SPATA2L: variants seen among roughly 807,000 people sequenced by gnomAD.
SPATA2L encodes spermatogenesis associated 2 like.
A neutral mutation model predicts 8.7 loss-of-function variants in SPATA2L; 5 were observed. The ratio of observed to expected loss-of-function variants is 0.57; its 90% CI spans 0.30 to 1.21. SPATA2L has a LOEUF of 1.21. Ranked by LOEUF, SPATA2L falls within the 50% of genes most tolerant of loss-of-function variation. SPATA2L has a pLI of 0.07. For synonymous variants in SPATA2L, 358 were observed against 275.8 expected (o/e 1.30, Z -2.95); for missense variants, 671 against 591.0 (o/e 1.14, Z -1.40).
chr16:89,697,349 G>C lies in SPATA2L; in HGVS notation c.1260C>G (p.Pro420=), dbSNP rs185037167. 2,002 of 1,521,268 alleles carry C rather than the reference G, an allele frequency of 1.3e-3. No homozygotes were observed. Among genetic ancestry groups the C allele is most frequent in the Non-Finnish European group, 1.7e-3 (1,905 of 1,133,730 alleles). The allele number at this position is 1,521,268 out of a possible 1,614,324, so 94.2% of individuals were successfully genotyped here. The part of the protein sequence containing the change: ...AQMDTLLYNS[P]GARP The stretch of plus-strand genomic sequence containing the variant: ...CCCAGCTGGCCTAGGGCCGGGCCCC[G>C]GGGCTGTTGTAGAGCAGAGTGTCCA... The change falls in exon 3 of 3, where the codon CCC becomes CCG. Residue 420 remains proline (P), a synonymous_variant. Coordinates refer to ENST00000289805, the MANE Select transcript of SPATA2L (RefSeq NM_152339.4).
chr16:89,698,135 G>T lies in SPATA2L; in HGVS notation c.474C>A (p.Leu158=). The T allele has an allele frequency of 6.2e-7, 1 of 1,610,118 alleles. No individual in the cohort carries two copies. The change falls in exon 3 of 3, where the codon CTC becomes CTA. Residue 158 remains leucine (L), a synonymous_variant. Coordinates refer to ENST00000289805, the MANE Select transcript of SPATA2L (RefSeq NM_152339.4). ...CACCCAGGATCTCACACTCCAGCCG[G>T]AGGGCGAAGCAGCCCAGGGCCACCT... is the stretch of plus-strand genomic sequence containing the variant. ...LVQVALGCFA[L]RLECEILGEV... is the part of the protein sequence containing the mutation.
Position 89,701,018 on chromosome 16 carries a change from C to T in SPATA2L, c.215G>A (p.Arg72His), listed in dbSNP as rs745929098. The T allele has an allele frequency of 1.3e-6, 2 of 1,572,208 alleles. No homozygotes were observed. The highest frequency in any genetic ancestry group is 8.6e-7 in the Non-Finnish European group (1 of 1,161,068). The change falls in exon 2 of 3, where the codon CGC becomes CAC. Residue 72 changes from arginine to histidine, a missense_variant. Coordinates refer to ENST00000289805, the MANE Select transcript of SPATA2L (RefSeq NM_152339.4). ...WGRADLAPAL[R>H]GLARAFELLE... Reference sequence around the variant, plus strand: ...AAGCTCGAAGGCGCGAGCCAGGCCGCGTAGCGCGGGCGCCAGGTCGGCGCG... The same window carrying T: ...AAGCTCGAAGGCGCGAGCCAGGCCGTGTAGCGCGGGCGCCAGGTCGGCGCG...
chr16:89,696,734 C>T lies in SPATA2L; in HGVS notation c.*600G>A. The T allele has an allele frequency of 6.8e-7, 1 of 1,479,550 alleles. No individual in the cohort carries two copies. The highest frequency in any genetic ancestry group is 1.2e-5 in the South Asian group (1 of 80,750). The allele number at this position is 1,479,550 out of a possible 1,614,324, so 91.7% of individuals were successfully genotyped here. On this transcript the variant is annotated 3_prime_UTR_variant, in exon 3 of 3. Transcript: ENST00000289805. ...TTCCTGCGCCTCTCGTGCACCTCCA[C>T]ATCTGGTTTGAGGTCAGGTCATTTC...
chr16:89,698,374 C>T (rs2060752105), intron 2 of SPATA2L, 69 bp from the exon 3 acceptor site: 2 of 1,481,546 alleles, frequency 1.3e-6, no homozygotes. Context: ...TACAGTGGGT[C>T]CGGGATCTGT....
In SPATA2L at chr16:89,697,990, C is replaced by T. The variant is rs1346482342; in HGVS notation, c.619G>A (p.Glu207Lys). The T allele has an allele frequency of 2.5e-6, 4 of 1,601,464 alleles. No individual in the cohort carries two copies. The highest frequency in any genetic ancestry group is 1.7e-4 in the Middle Eastern group (1 of 6,050). The part of the protein sequence containing the change: ...AWLQQRLAQD[E>K]EPPPLPPRGS... ...CGGGGGGGCAGGGGTGGCGGCTCCTCATCCTGGGCCAGCCGCTGCTGCAGC... is the reference window on the plus strand; with the variant it reads ...CGGGGGGGCAGGGGTGGCGGCTCCTTATCCTGGGCCAGCCGCTGCTGCAGC... Residue 207 changes from glutamate to lysine, a missense_variant, in exon 3 of 3, where the codon GAG (glutamate) becomes AAG (lysine). Coordinates refer to ENST00000289805, the MANE Select transcript of SPATA2L (RefSeq NM_152339.4).
In SPATA2L at chr16:89,696,716, G is replaced by A. The variant is rs1265054996; in HGVS notation, c.*618C>T. 1.3e-5 allele frequency: 18 copies of A among 1,405,826 alleles called. No individual in the cohort carries two copies. The highest frequency in any genetic ancestry group is 4.1e-5 in the Admixed American group (2 of 48,680). The allele number at this position is 1,405,826 out of a possible 1,614,324, so 87.1% of individuals were successfully genotyped here. On this transcript the variant is annotated 3_prime_UTR_variant, in exon 3 of 3. Coordinates refer to ENST00000289805, the MANE Select transcript of SPATA2L (RefSeq NM_152339.4). ...GCTGTCAGCCACTGCCCGTTCCTGCGCCTCTCGTGCACCTCCACATCTGGT... is the reference window on the plus strand; with the variant it reads ...GCTGTCAGCCACTGCCCGTTCCTGCACCTCTCGTGCACCTCCACATCTGGT...
In SPATA2L at chr16:89,697,356, T is replaced by C. The variant is rs776000463; in HGVS notation, c.1253A>G (p.Asn418Ser). The C allele has an allele frequency of 1.0e-5, 16 of 1,536,172 alleles. No homozygotes were observed. The highest frequency in any genetic ancestry group is 1.4e-5 in the Non-Finnish European group (16 of 1,139,566). Residue 418 changes from asparagine to serine, a missense_variant, in exon 3 of 3, where the codon AAC becomes AGC. Asn to Ser is a conservative substitution (Grantham distance 46, BLOSUM62 1). Coordinates refer to ENST00000289805, the MANE Select transcript of SPATA2L (RefSeq NM_152339.4). The part of the protein sequence containing the change: ...QRAQMDTLLY[N>S]SPGARP ...GGCCTAGGGCCGGGCCCCGGGGCTGTTGTAGAGCAGAGTGTCCATCTGTGC... is the reference window on the plus strand; with the variant it reads ...GGCCTAGGGCCGGGCCCCGGGGCTGCTGTAGAGCAGAGTGTCCATCTGTGC...
Position 89,697,902 on chromosome 16 carries a change from CCCT to C in SPATA2L, c.704_706del (p.Glu235del), listed in dbSNP as rs2060746174. On this transcript the variant is annotated inframe_deletion, in exon 3 of 3. Transcript: ENST00000289805. The stretch of plus-strand genomic sequence containing the variant: ...CCCATACAGGCTGGCGTCCTCCGAC[CCCT>C]CGTCTTCCTGCAAGTCCCGGTATAA... 6.2e-7 allele frequency: 1 copy of C among 1,611,572 alleles called. No homozygotes were observed. Among genetic ancestry groups the C allele is most frequent in the African/African-American group, 1.3e-5 (1 of 74,918 alleles).
At position 89,697,737 on chromosome 16, in the gene SPATA2L, G is replaced by A. The variant is rs538570964; in HGVS notation, c.872C>T (p.Pro291Leu). ...PAEELPQASS[P>L]PYGALEEGLE... Reference sequence around the variant, plus strand: ...CCCCTCCTCCAAGGCCCCATATGGTGGGCTGCTGGCCTGCGGCAGCTCCTC... The same window carrying A: ...CCCCTCCTCCAAGGCCCCATATGGTAGGCTGCTGGCCTGCGGCAGCTCCTC... The change falls in exon 3 of 3, where the codon CCA (proline) becomes CTA (leucine). Residue 291 changes from proline to leucine, a missense_variant. Coordinates refer to ENST00000289805, the MANE Select transcript of SPATA2L (RefSeq NM_152339.4). The A allele has an allele frequency of 8.4e-5, 135 of 1,608,578 alleles. No homozygotes were observed. The Admixed American group carries it at 2.2e-3, about 26-fold the overall frequency.
At position 89,696,855 on chromosome 16, in the gene SPATA2L, T is replaced by C. The variant is rs462769; in HGVS notation, c.*479A>G. The C allele has an allele frequency of 0.51, 778,733 of 1,534,588 alleles. 209,445 individuals carry two copies. Among genetic ancestry groups the C allele is most frequent in the Middle Eastern group, 0.7 (4,191 of 5,966 alleles). Reference sequence around the variant, plus strand: ...ACCCGGCAGAGCCCCGCAGATTGGCTCCAGCAGAGCTTGGGGTGGGGGGAG... The same window carrying C: ...ACCCGGCAGAGCCCCGCAGATTGGCCCCAGCAGAGCTTGGGGTGGGGGGAG... On this transcript the variant is annotated 3_prime_UTR_variant, in exon 3 of 3. Transcript: ENST00000289805.
Position 89,697,491 on chromosome 16 carries a change from G to A in SPATA2L, c.1118C>T (p.Thr373Ile). ...PGALPTLCCD[T>I]CRQLHAAHCA... ...GTGGGCAGCATGCAGCTGGCGACAG[G>A]TGTCGCAGCAGAGGGTGGGCAGGGC... The change falls in exon 3 of 3, where the codon ACC becomes ATC. Residue 373 changes from threonine (T) to isoleucine (I), a missense_variant. Thr to Ile is a moderately conservative substitution (Grantham distance 89, BLOSUM62 -1). Transcript: ENST00000289805. 6.2e-7 allele frequency: 1 copy of A among 1,601,578 alleles called. No homozygotes were observed. The highest frequency in any genetic ancestry group is 8.5e-7 in the Non-Finnish European group (1 of 1,174,598).
chr16:89,700,994 A>C lies in SPATA2L; in HGVS notation c.239T>G (p.Leu80Arg). Residue 80 changes from leucine (L) to arginine (R), a missense_variant, in exon 2 of 3, where the codon CTT (leucine) becomes CGT (arginine). Coordinates refer to ENST00000289805, the MANE Select transcript of SPATA2L (RefSeq NM_152339.4). ...CAGGTGCACCGCGGCGAGCTCCAGA[A>C]GCTCGAAGGCGCGAGCCAGGCCGCG... ...ALRGLARAFE[L>R]LELAAVHLYL... is the part of the protein sequence containing the mutation. 6.4e-7 allele frequency: 1 copy of C among 1,565,958 alleles called. No homozygotes were observed. The highest frequency in any genetic ancestry group is 8.6e-7 in the Non-Finnish European group (1 of 1,157,850).
Position 89,701,189 on chromosome 16 carries a change from TC to T in SPATA2L, c.43del (p.Glu15SerfsTer97). 1.4e-6 allele frequency: 2 copies of T among 1,478,382 alleles called. No homozygotes were observed. Among genetic ancestry groups the T allele is most frequent in the Non-Finnish European group, 1.8e-6 (2 of 1,116,984 alleles). The allele number at this position is 1,478,382 out of a possible 1,614,324, so 91.6% of individuals were successfully genotyped here. A position where few individuals can be genotyped will look rare whatever the true frequency, so the allele number is the denominator to read the frequency against. On this transcript the variant is annotated frameshift_variant, in exon 2 of 3. Transcript: ENST00000289805. LOFTEE classifies it high-confidence loss of function. ...SLSEDYRQCL[E>X]RELRRGRAGV... is the part of the protein sequence containing the mutation. Reference sequence around the variant, plus strand: ...CGCGCGGCCCCGTCGCAGCTCGCGCTCCAGGCACTGGCGGTAGTCCTCGGAC... The same window carrying T: ...CGCGCGGCCCCGTCGCAGCTCGCGCTCAGGCACTGGCGGTAGTCCTCGGAC...
chr16:89,699,773 A>G (rs186302124), intron 2 of SPATA2L, among the ~76,000 whole-genome samples: 1 of 152,136 alleles, frequency 6.6e-6, no homozygotes, highest in Non-Finnish European at 1.5e-5. Flanking sequence ...GCTGGTGTCA[A>G]TCTCCTGACC....
At position 89,696,657 on chromosome 16, in the gene SPATA2L, C is replaced by T; in HGVS notation, c.*677G>A. 1.0e-6 allele frequency: 1 copy of T among 976,518 alleles called. No homozygotes were observed. The highest frequency in any genetic ancestry group is 1.5e-6 in the Non-Finnish European group (1 of 674,512). 60.5% of individuals were successfully genotyped at this position (976,518 alleles called of 1,614,324 possible). ...CTGGGCGGGCTGTCCACAGGCCCTT[C>T]CGCCCAGCAGCAGTGACGCTCAGGG... On this transcript the variant is annotated 3_prime_UTR_variant, in exon 3 of 3. Transcript: ENST00000289805.
intron 2 of SPATA2L, 108 bp downstream of exon 2, chr16:89,700,822 A>T: frequency 8.1e-7 from 1 of 1,234,038 alleles, no homozygotes. Context: ...CCAGGCACTG[A>T]GGACACTTGA....
chr16:89,697,585 G>T lies in SPATA2L; in HGVS notation c.1024C>A (p.Pro342Thr). ...SPRRIRAEGV[P>T]ASAYRSVSEP... Reference sequence around the variant, plus strand: ...GAGACAGACCTATAGGCTGAGGCTGGTACCCCCTCTGCCCGAATACGCCTC... The same window carrying T: ...GAGACAGACCTATAGGCTGAGGCTGTTACCCCCTCTGCCCGAATACGCCTC... The change falls in exon 3 of 3, where the codon CCA becomes ACA. Residue 342 changes from proline (P) to threonine (T), a missense_variant. By Grantham distance (38) the Pro-to-Thr change is conservative. Transcript: ENST00000289805. The T allele has an allele frequency of 6.2e-7, 1 of 1,600,164 alleles. No homozygotes were observed.
rs779294226 is a variant in SPATA2L at position 89,697,904 on chromosome 16, C to T, written c.705G>A (p.Glu235=). 13 of 1,611,670 alleles carry T rather than the reference C, an allele frequency of 8.1e-6. No homozygotes were observed. In the South Asian group the frequency reaches 1.1e-4, roughly 14 times the overall value. Reference sequence around the variant, plus strand: ...CATACAGGCTGGCGTCCTCCGACCCCTCGTCTTCCTGCAAGTCCCGGTATA... The same window carrying T: ...CATACAGGCTGGCGTCCTCCGACCCTTCGTCTTCCTGCAAGTCCCGGTATA... ...LDLYRDLQED[E]GSEDASLYGE... is the part of the protein sequence containing the mutation. The change falls in exon 3 of 3, where the codon GAG becomes GAA. Residue 235 remains glutamate, a synonymous_variant. Transcript: ENST00000289805.
At position 89,697,969 on chromosome 16, in the gene SPATA2L, G is replaced by A. The variant is rs747470292; in HGVS notation, c.640C>T (p.Pro214Ser). 1.9e-6 allele frequency: 3 copies of A among 1,605,316 alleles called. No homozygotes were observed. The highest frequency in any genetic ancestry group is 1.7e-5 in the Admixed American group (1 of 59,870). The change falls in exon 3 of 3, where the codon CCC becomes TCC. Residue 214 changes from proline to serine, a missense_variant. Coordinates refer to ENST00000289805, the MANE Select transcript of SPATA2L (RefSeq NM_152339.4). ...CTGTAAGCAGCAGGGGAGCCTCGGG[G>A]GGGCAGGGGTGGCGGCTCCTCATCC... ...AQDEEPPPLP[P>S]RGSPAAYRAP... is the part of the protein sequence containing the mutation.
Sources: allele counts gnomAD v4.1 joint callset (sites outside exome capture counted in the v4.1 genomes callset), GRCh38; gene constraint gnomAD v4.1.1; transcripts MANE v1.5; gene names NCBI Gene and HGNC (gene_info 2026-07-23, HGNC 2026-07-21).